LRBA: variants seen among roughly 807,000 people sequenced by gnomAD.
The protein encoded by LRBA is LPS responsive beige-like anchor protein, also known as lipopolysaccharide-responsive and beige-like anchor protein.
In LRBA, 176 loss-of-function variants were observed where a neutral mutation model predicts 330.0. The observed-to-expected ratio is 0.53, with a 90% CI of 0.47 to 0.60. The LOEUF is 0.60. Among genes scored for constraint, LRBA ranks in the 20% least tolerant of loss-of-function variants. The pLI, the probability that LRBA is intolerant of heterozygous loss-of-function variation, is 0.00. For synonymous variants in LRBA, 1,230 were observed against 1,193.0 expected (o/e 1.03, Z -0.64); for missense variants, 3,259 against 3,444.8 (o/e 0.95, Z 1.35).
At chr4:150,733,693 A>G (rs1275809287) in intron 36 of LRBA, among the ~76,000 whole-genome samples, 1 of 152,006 alleles carries the variant, frequency 6.6e-6, no homozygotes, top group Non-Finnish European at 1.5e-5. Flanking sequence ...TCCAAAGAGC[A>G]TGTGTACTTT....
At chr4:150,475,926 T>G (rs757834231) in intron 42 of LRBA, among the ~76,000 whole-genome samples, 10 of 150,390 alleles carry the variant, frequency 6.6e-5, no homozygotes, top group African/African-American at 1.2e-4. Flanking sequence ...AAAAGAAAAA[T>G]AAACAGGAAA....
chr4:150,777,833 T>C (rs1423517050), intron 34 of LRBA, among the ~76,000 whole-genome samples: 1 of 151,712 alleles, frequency 6.6e-6, no homozygotes, highest in Non-Finnish European at 1.5e-5. Context: ...CAAAATTAGC[T>C]GGGCATAGTG....
intron 39 of LRBA, among the ~76,000 whole-genome samples, chr4:150,588,595 C>T (rs1344992889): frequency 6.6e-6 from 1 of 152,158 alleles, no homozygotes; most frequent in East Asian, 1.9e-4. Flanking sequence ...CAGCAGTTAG[C>T]TTACAGTATG....
intron 2 of LRBA, among the ~76,000 whole-genome samples, chr4:150,973,364 T>C (rs998881505): frequency 1.3e-5 from 2 of 152,078 alleles, no homozygotes; most frequent in African/African-American, 4.8e-5. Context: ...ACGGGGTTTC[T>C]CCATATTGGT....
At chr4:150,934,500 T>C (rs1734862453) in intron 2 of LRBA, among the ~76,000 whole-genome samples, 1 of 152,218 alleles carries the variant, frequency 6.6e-6, no homozygotes, top group African/African-American at 2.4e-5. Flanking sequence ...GGAACAGTGA[T>C]CAATAAGACA....
chr4:150,779,819 A>T (rs564436881), intron 34 of LRBA, among the ~76,000 whole-genome samples: 2 of 152,344 alleles, frequency 1.3e-5, no homozygotes, highest in South Asian at 4.1e-4. Flanking sequence ...CATTTGTAAA[A>T]AGACAACAGA....
intron 40 of LRBA, among the ~76,000 whole-genome samples, chr4:150,557,462 A>G (rs778396785): frequency 5.9e-5 from 9 of 151,974 alleles, no homozygotes; most frequent in Non-Finnish European, 8.8e-5. Context: ...TCCATATTTC[A>G]TTCAGATTTC....
intron 13 of LRBA, among the ~76,000 whole-genome samples, chr4:150,900,639 G>A (rs1023186803): frequency 2.6e-5 from 4 of 151,668 alleles, no homozygotes; most frequent in African/African-American, 4.8e-5. Context: ...GAGCTAAAAT[G>A]ACTCAAAAGA....
intron 44 of LRBA, 46 bp from the exon 45 acceptor site, chr4:150,436,910 T>C: frequency 1.9e-6 from 3 of 1,558,408 alleles, no homozygotes; most frequent in South Asian, 1.1e-5. Flanking sequence ...AATGTAATCA[T>C]CCTTCATGTC....
chr4:150,510,670 GT>G (rs1387526554), intron 40 of LRBA, among the ~76,000 whole-genome samples: 1 of 151,962 alleles, frequency 6.6e-6, no homozygotes, highest in Admixed American at 6.6e-5. Flanking sequence ...AGCCTTCTTA[GT>G]TTACACTGAG....
intron 53 of LRBA, among the ~76,000 whole-genome samples, chr4:150,296,781 A>C (rs4696084): frequency 0.17 from 26,494 of 152,158 alleles, 2,777 homozygotes; most frequent in East Asian, 0.26. Flanking sequence ...AAGCTGTCGT[A>C]GAATTTCTCT....
intron 2 of LRBA, among the ~76,000 whole-genome samples, chr4:150,974,350 G>A (rs1445153831): frequency 2.0e-5 from 3 of 152,178 alleles, no homozygotes; most frequent in African/African-American, 7.2e-5. Context: ...TGGTCCCTTT[G>A]AGTATTTGGA....
At chr4:150,742,652 C>T (rs1412163059) in intron 35 of LRBA, among the ~76,000 whole-genome samples, 4 of 151,980 alleles carry the variant, frequency 2.6e-5, no homozygotes, top group Admixed American at 1.3e-4. Context: ...AATCCCAGCA[C>T]GTAGAAAAGA....
chr4:150,942,774 AAT>A (rs890991148), intron 2 of LRBA, among the ~76,000 whole-genome samples: 15 of 152,284 alleles, frequency 9.9e-5, no homozygotes. Context: ...ACAAAAAAAA[AAT>A]GTGTCCATTC....
At chr4:150,755,657 T>C (rs560386202) in intron 35 of LRBA, among the ~76,000 whole-genome samples, 1 of 152,242 alleles carries the variant, frequency 6.6e-6, no homozygotes, top group African/African-American at 2.4e-5. Context: ...TTTAAAAAAT[T>C]AGCCAATAAA....
chr4:150,639,349 T>G (rs1434059754), intron 37 of LRBA, among the ~76,000 whole-genome samples: 1 of 71,280 alleles, frequency 1.4e-5, no homozygotes, highest in Non-Finnish European at 3.5e-5. Flanking sequence ...ACCCTAAAAC[T>G]TAAAGTATAA....
At chr4:150,897,866 A>G (rs915490414) in intron 14 of LRBA, 48 bp from the exon 15 acceptor site, 16 of 1,214,300 alleles carry the variant, frequency 1.3e-5, no homozygotes, top group Non-Finnish European at 1.9e-5. Context: ...AAGGACCTCA[A>G]AGCTGTCAAA....
At chr4:150,331,596 G>T (rs2126969264) in intron 48 of LRBA, among the ~76,000 whole-genome samples, 1 of 152,246 alleles carries the variant, frequency 6.6e-6, no homozygotes, top group East Asian at 1.9e-4. Context: ...TTAACAGAGT[G>T]CTTCTGCCTT....
At chr4:150,937,040 A>G (rs1198510691) in intron 2 of LRBA, among the ~76,000 whole-genome samples, 3 of 152,074 alleles carry the variant, frequency 2.0e-5, no homozygotes, top group Admixed American at 6.5e-5. Context: ...TAATTTCCAA[A>G]AAAAGCCCCA....
Sources: allele counts gnomAD v4.1 joint callset (sites outside exome capture counted in the v4.1 genomes callset), GRCh38; gene constraint gnomAD v4.1.1; transcripts MANE v1.5; gene names NCBI Gene and HGNC (gene_info 2026-07-23, HGNC 2026-07-21).